GRAMD1C: variants seen among roughly 807,000 people sequenced by gnomAD.
GRAMD1C encodes GRAM domain containing 1C.
A neutral mutation model predicts 97.8 loss-of-function variants in GRAMD1C; 89 were observed. That is an observed-to-expected ratio of 0.91 (90% CI 0.77 to 1.09). GRAMD1C has a LOEUF of 1.09. GRAMD1C is among the 50% of genes least tolerant of loss of function. The pLI is 0.00. For missense variants in GRAMD1C, 740 were observed against 766.4 expected, an observed-to-expected ratio of 0.97 and a Z score of 0.41; for synonymous variants, 256 against 267.0, an observed-to-expected ratio of 0.96 and a Z score of 0.40.
chr3:113,904,790 C>T (rs1037692019), intron 8 of GRAMD1C, among the ~76,000 whole-genome samples: 2 of 152,052 alleles, frequency 1.3e-5, no homozygotes, highest in Non-Finnish European at 2.9e-5. Context: ...TAGTTTCTTC[C>T]TTTATTTTCT....
chr3:113,849,545 C>T (rs2107327284), intron 2 of GRAMD1C, among the ~76,000 whole-genome samples: 1 of 151,946 alleles, frequency 6.6e-6, no homozygotes, highest in East Asian at 1.9e-4. Context: ...GCACATCTTG[C>T]ACCGCCCTTA....
At chr3:113,856,830 C>G (rs1013753602) in intron 2 of GRAMD1C, among the ~76,000 whole-genome samples, 3 of 149,208 alleles carry the variant, frequency 2.0e-5, no homozygotes, top group Admixed American at 1.4e-4. Flanking sequence ...TGAGCCACTG[C>G]GCCCAGCTGC....
In GRAMD1C at chr3:113,864,330, T is replaced by G. The variant is rs143078102; in HGVS notation, c.175-5177T>G. 3.9e-3 allele frequency among the ~76,000 whole-genome samples: 590 copies of G among 152,198 alleles called. 8 individuals carry two copies. The highest frequency in any genetic ancestry group is 0.028 in the South Asian group (135 of 4,820). ...GGTTTCCACATGTTGGCCAGGCTGG[T>G]CTCAAACTCCTGACCTCAGGTGATC... On this transcript the variant is annotated intron_variant, in intron 2 of 17. Transcript: ENST00000358160.
upstream of GRAMD1C, among the ~76,000 whole-genome samples, chr3:113,834,690 C>T (rs1015864028): frequency 1.3e-5 from 2 of 150,786 alleles, no homozygotes; most frequent in Non-Finnish European, 2.9e-5. Context: ...AATCCCAGCA[C>T]TTTGGAAGCC....
rs1559795623 is a variant in GRAMD1C at position 113,887,088 on chromosome 3, T to TTTTG, written c.540+4259_540+4260insGTTT. ...AGCCACTGCGCCTGGCCTTTTTGTT[T>TTTTG]TTTTTTTGTTTTTTTTTTTTTTTGA... On this transcript the variant is annotated intron_variant, in intron 6 of 17. Transcript: ENST00000358160. Among the ~76,000 whole-genome samples the TTTTG allele has an allele frequency of 3.0e-5, 3 of 98,666 alleles. 1 individual carries two copies. The highest frequency in any genetic ancestry group is 4.4e-5 in the Non-Finnish European group (2 of 45,514). The allele number at this position is 98,666 out of a possible 152,430, so 64.7% of individuals were successfully genotyped here. A position where few individuals can be genotyped will look rare whatever the true frequency, so the allele number is the denominator to read the frequency against.
At chr3:113,880,897 C>G (rs961436737) in intron 5 of GRAMD1C, among the ~76,000 whole-genome samples, 13 of 151,996 alleles carry the variant, frequency 8.6e-5, no homozygotes, top group African/African-American at 3.1e-4. Context: ...TTGCAGAGAC[C>G]CTGGTCTTAG....
chr3:113,891,949 A>T (rs1356450619), intron 6 of GRAMD1C, among the ~76,000 whole-genome samples: 1 of 151,834 alleles, frequency 6.6e-6, no homozygotes, highest in Non-Finnish European at 1.5e-5. Flanking sequence ...GAATCTAAGT[A>T]TGTGTTACTT....
intron 1 of GRAMD1C, among the ~76,000 whole-genome samples, chr3:113,829,416 C>T (rs1354693080): frequency 6.6e-6 from 1 of 152,080 alleles, no homozygotes; most frequent in Non-Finnish European, 1.5e-5. Context: ...TACACTTTAG[C>T]TTGGGTAATA....
Position 113,946,694 on chromosome 3 carries a change from C to T in GRAMD1C, c.*1216C>T, listed in dbSNP as rs1159767073. On this transcript the variant is annotated 3_prime_UTR_variant, in exon 18 of 18. Transcript: ENST00000358160. ...TCTATCTATATATAAACTGTGTATA[C>T]ATTCTTACTGTTTGAACAACTATTG... 1.3e-5 allele frequency: 2 copies of T among 152,138 alleles called. No homozygotes were observed. Among genetic ancestry groups the T allele is most frequent in the Non-Finnish European group, 2.9e-5 (2 of 68,026 alleles). The allele number at this position is 152,138 out of a possible 1,614,324, so 9.4% of individuals were successfully genotyped here.
intron 9 of GRAMD1C, among the ~76,000 whole-genome samples, chr3:113,912,342 G>A (rs1936634176): frequency 6.6e-6 from 1 of 152,128 alleles, no homozygotes. Context: ...CTATGTTAAT[G>A]TGTTTTCCTT....
intron 9 of GRAMD1C, among the ~76,000 whole-genome samples, chr3:113,914,827 T>C (rs1559812242): frequency 6.6e-6 from 1 of 152,154 alleles, no homozygotes; most frequent in Non-Finnish European, 1.5e-5. Context: ...CGGCAATTAT[T>C]TCTGTGATTC....
At chr3:113,857,252 T>A (rs1174763023) in intron 2 of GRAMD1C, among the ~76,000 whole-genome samples, 8 of 152,038 alleles carry the variant, frequency 5.3e-5, no homozygotes, top group Non-Finnish European at 1.0e-4. Flanking sequence ...ACGGTGAGAG[T>A]GGACATTCTT....
intron 5 of GRAMD1C, among the ~76,000 whole-genome samples, chr3:113,876,631 A>G (rs1935047498): frequency 6.6e-6 from 1 of 152,214 alleles, no homozygotes; most frequent in Non-Finnish European, 1.5e-5. Context: ...CAGCATACAC[A>G]TAAACACTAA....
intron 6 of GRAMD1C, among the ~76,000 whole-genome samples, chr3:113,889,962 C>T (rs115772655): frequency 6.6e-6 from 1 of 152,032 alleles, no homozygotes; most frequent in Non-Finnish European, 1.5e-5. Flanking sequence ...TTGAAGCTGG[C>T]AGGTGGGAAC....
intron 3 of GRAMD1C, among the ~76,000 whole-genome samples, chr3:113,872,893 GAA>G (rs1313400441): frequency 1.4e-5 from 2 of 138,534 alleles, no homozygotes; most frequent in Non-Finnish European, 3.1e-5. Flanking sequence ...GCAACACAGT[GAA>G]ACCCTGTGTC....
intron 6 of GRAMD1C, among the ~76,000 whole-genome samples, chr3:113,888,632 TC>T (rs1455623340): frequency 1.7e-4 from 26 of 152,216 alleles, no homozygotes; most frequent in African/African-American, 5.8e-4. Flanking sequence ...TATGTACCAT[TC>T]CTATTTGTTA....
chr3:113,830,405 T>C (rs1484010061), intron 1 of GRAMD1C, among the ~76,000 whole-genome samples: 2 of 152,230 alleles, frequency 1.3e-5, no homozygotes, highest in Admixed American at 6.5e-5. Flanking sequence ...GGCTTGATTT[T>C]TCAGGCTGCT....
At chr3:113,900,217 G>T (rs915004002) in intron 6 of GRAMD1C, among the ~76,000 whole-genome samples, 6 of 151,200 alleles carry the variant, frequency 4.0e-5, no homozygotes, top group African/African-American at 1.2e-4. Flanking sequence ...AAATTAGCTG[G>T]GTGTGGTGGT....
Position 113,947,128 on chromosome 3 carries a change from T to G in GRAMD1C, c.*1650T>G, listed in dbSNP as rs1224031110. On this transcript the variant is annotated 3_prime_UTR_variant, in exon 18 of 18. Coordinates refer to ENST00000358160, the MANE Select transcript of GRAMD1C (RefSeq NM_017577.5). ...GATGCAGAATTCAATTAATAAAATT[T>G]GAGCCTGTTACGTAAATTGAATATT... 6.6e-6 allele frequency: 1 copy of G among 152,268 alleles called. No homozygotes were observed. Among genetic ancestry groups the G allele is most frequent in the Non-Finnish European group, 1.5e-5 (1 of 68,048 alleles). The allele number at this position is 152,268 out of a possible 1,614,324, so 9.4% of individuals were successfully genotyped here.
Sources: gnomAD v4.1 joint callset for allele counts (sites outside exome capture counted in the v4.1 genomes callset) on GRCh38, gnomAD v4.1.1 for gene constraint, MANE v1.5 for transcripts, NCBI Gene and HGNC (gene_info 2026-07-23, HGNC 2026-07-21) for gene names.